The following KIF13A variants were observed in gnomAD, a reference collection of about 807,000 sequenced individuals.
The protein encoded by KIF13A is kinesin family member 13A, also known as kinesin-like protein KIF13A.
Under a neutral mutation model 212.2 loss-of-function variants are expected in KIF13A, and 79 were observed. The observed-to-expected ratio is 0.37, with a 90% CI of 0.31 to 0.45. The LOEUF (loss-of-function observed/expected upper bound fraction) is 0.45. Among genes scored for constraint, KIF13A ranks in the 20% least tolerant of loss-of-function variants. The pLI, the probability that KIF13A is intolerant of heterozygous loss-of-function variation, is 1.00. For synonymous variants in KIF13A, 789 were observed against 808.6 expected, an observed-to-expected ratio of 0.98 and a Z score of 0.41; for missense variants, 1,901 against 2,209.0, an observed-to-expected ratio of 0.86 and a Z score of 2.79.
intron 2 of KIF13A, among the ~76,000 whole-genome samples, chr6:17,974,723 G>A (rs1780134030): frequency 6.6e-6 from 1 of 152,134 alleles, no homozygotes; most frequent in Admixed American, 6.6e-5. Context: ...CTCTGGGTCT[G>A]GGACCCAACC....
intron 31 of KIF13A, among the ~76,000 whole-genome samples, chr6:17,780,336 C>T (rs1233872673): frequency 6.6e-6 from 1 of 152,230 alleles, no homozygotes; most frequent in East Asian, 1.9e-4. Context: ...GTTTCACTGA[C>T]AGCACCTCTG....
downstream of KIF13A, chr6:17,760,676 C>A: frequency 3.3e-6 from 2 of 611,274 alleles, no homozygotes; most frequent in South Asian, 4.0e-5. Context: ...CAAAGTGCCG[C>A]TTCTCCCACT....
At chr6:17,864,869 T>C (rs756720441) in intron 4 of KIF13A, among the ~76,000 whole-genome samples, 1 of 152,120 alleles carries the variant, frequency 6.6e-6, no homozygotes, top group South Asian at 2.1e-4. Flanking sequence ...ACAGCAGCAA[T>C]AGGCTCAAAG....
chr6:17,929,316 T>C (rs1283699034), intron 2 of KIF13A, among the ~76,000 whole-genome samples: 2 of 152,014 alleles, frequency 1.3e-5, no homozygotes, highest in African/African-American at 4.8e-5. Flanking sequence ...CATAGCTCAT[T>C]GCAGCTTTGA....
Position 17,871,608 on chromosome 6 carries a change from C to A in KIF13A, c.220+1769G>T, listed in dbSNP as rs1001623693. Among the ~76,000 whole-genome samples, 2 of 152,054 alleles carry A rather than the reference C, an allele frequency of 1.3e-5. No individual in the cohort carries two copies. Among genetic ancestry groups the A allele is most frequent in the Admixed American group, 6.6e-5 (1 of 15,250 alleles). ...TCCTGAGTTATATGAGAGGAACCAACAACAGACACTGGGCTGAGGCACTGA... is the reference window on the plus strand; with the variant it reads ...TCCTGAGTTATATGAGAGGAACCAAAAACAGACACTGGGCTGAGGCACTGA... On this transcript the variant is annotated intron_variant, in intron 4 of 38. Coordinates refer to ENST00000259711, the MANE Select transcript of KIF13A (RefSeq NM_022113.6). The surrounding 1 kb of genome is among the most constrained non-coding windows in gnomAD (Gnocchi z 4.4).
intron 2 of KIF13A, among the ~76,000 whole-genome samples, chr6:17,970,635 G>C (rs1463633741): frequency 1.3e-5 from 2 of 151,842 alleles, no homozygotes; most frequent in Non-Finnish European, 1.5e-5. Context: ...TGCAATATTT[G>C]ACTTAAATAT....
At chr6:17,862,358 T>C (rs531062038) in intron 4 of KIF13A, among the ~76,000 whole-genome samples, 121 of 152,338 alleles carry the variant, frequency 7.9e-4, no homozygotes, top group African/African-American at 2.8e-3. Context: ...AAATCTAGAA[T>C]ATATTTTAGT....
chr6:17,851,871 C>T (rs918736600), intron 7 of KIF13A, 84 bp downstream of exon 7: 1 of 618,200 alleles, frequency 1.6e-6, no homozygotes, highest in Non-Finnish European at 2.6e-6. Context: ...TGCTATAAAG[C>T]ATCCACATAA....
chr6:17,924,126 A>G (rs899143319), intron 2 of KIF13A, among the ~76,000 whole-genome samples: 1 of 152,236 alleles, frequency 6.6e-6, no homozygotes, highest in East Asian at 1.9e-4. Flanking sequence ...TATCAGGATC[A>G]CTGAATAAAT....
chr6:17,808,125 G>A (rs1488883505), intron 18 of KIF13A, among the ~76,000 whole-genome samples: 2 of 152,282 alleles, frequency 1.3e-5, no homozygotes, highest in East Asian at 1.9e-4. Context: ...AGTGGCTCAC[G>A]CCTGTAATCC....
At position 17,895,009 on chromosome 6, in the gene KIF13A, T is replaced by C. The variant is rs1412750740; in HGVS notation, c.159+3159A>G. On this transcript the variant is annotated intron_variant, in intron 3 of 38. Transcript: ENST00000259711. The surrounding 1 kb of genome is among the most constrained non-coding windows in gnomAD (Gnocchi z 4.4). ...GACCAGCTAGGCATTTGGATCTTCC[T>C]AAGAAAGGATTAAAAACAGCTGGAT... Among the ~76,000 whole-genome samples, 1 of 152,202 alleles carries C rather than the reference T, an allele frequency of 6.6e-6. No individual in the cohort carries two copies. Among genetic ancestry groups the C allele is most frequent in the Non-Finnish European group, 1.5e-5 (1 of 68,026 alleles).
intron 2 of KIF13A, among the ~76,000 whole-genome samples, chr6:17,948,937 T>C (rs560757116): frequency 6.6e-6 from 1 of 150,788 alleles, no homozygotes; most frequent in East Asian, 2.0e-4. Context: ...CATAAGCCCT[T>C]TGAAAGCAAA....
In KIF13A at chr6:17,794,823, G is replaced by A; in HGVS notation, c.2943-119C>T. The A allele has an allele frequency of 9.5e-7, 1 of 1,050,530 alleles. No homozygotes were observed. Among genetic ancestry groups the A allele is most frequent in the Non-Finnish European group, 1.3e-6 (1 of 741,764 alleles). The allele number at this position is 1,050,530 out of a possible 1,614,324, so 65.1% of individuals were successfully genotyped here. A position where few individuals can be genotyped will look rare whatever the true frequency, so the allele number is the denominator to read the frequency against. The stretch of plus-strand genomic sequence containing the variant: ...TGCTAGGCACTGTGCCATTTATCTT[G>A]TATAAGTTACTTCCTTATTTAACTC... On this transcript the variant is annotated intron_variant, in intron 23 of 38. Transcript: ENST00000259711. This position sits in a 1 kb window ranked among gnomAD's most constrained non-coding sequence, Gnocchi z 4.1.
intron 2 of KIF13A, among the ~76,000 whole-genome samples, chr6:17,955,750 C>T (rs895984224): frequency 1.3e-5 from 2 of 152,190 alleles, no homozygotes; most frequent in African/African-American, 4.8e-5. Flanking sequence ...TTTTCTGTGA[C>T]TCCTTTCAGA....
intron 2 of KIF13A, among the ~76,000 whole-genome samples, chr6:17,933,613 GA>G (rs1776197397): frequency 6.6e-6 from 1 of 151,990 alleles, no homozygotes; most frequent in Non-Finnish European, 1.5e-5. Context: ...AAATCAGAAT[GA>G]TCAAACCAAC....
At chr6:17,974,529 A>G (rs1027680991) in intron 2 of KIF13A, among the ~76,000 whole-genome samples, 33 of 152,200 alleles carry the variant, frequency 2.2e-4, no homozygotes, top group African/African-American at 7.5e-4. Flanking sequence ...AAGACACGTC[A>G]TATGTACTTT....
rs1760074234 is a variant in KIF13A at position 17,777,270 on chromosome 6, C to T, written c.4170+7G>A. 2 of 1,607,476 alleles carry T rather than the reference C, an allele frequency of 1.2e-6. No individual in the cohort carries two copies. Among genetic ancestry groups the T allele is most frequent in the Non-Finnish European group, 8.5e-7 (1 of 1,175,894 alleles). ...ATAGGAGCAGATCCTTGGCAGGATG[C>T]ACTTACATTATGAACATTTGGTGTA... On this transcript the variant is annotated splice_region_variant and intron_variant, in intron 34 of 38. Transcript: ENST00000259711. This position sits in a 1 kb window ranked among gnomAD's most constrained non-coding sequence, Gnocchi z 4.4.
intron 18 of KIF13A, among the ~76,000 whole-genome samples, chr6:17,808,308 C>T (rs1322335980): frequency 6.6e-6 from 1 of 152,154 alleles, no homozygotes; most frequent in African/African-American, 2.4e-5. Flanking sequence ...ATTGCTTGAA[C>T]CCAGGAGGCG....
At chr6:17,870,971 T>C (rs925197896) in intron 4 of KIF13A, among the ~76,000 whole-genome samples, 1 of 152,190 alleles carries the variant, frequency 6.6e-6, no homozygotes. Context: ...AGAAAACAAA[T>C]TGTAGCTCAG....
Sources: gnomAD v4.1 joint callset for allele counts (sites outside exome capture counted in the v4.1 genomes callset) on GRCh38, gnomAD v4.1.1 for gene constraint, Gnocchi (gnomAD v3.1) non-coding constraint, MANE v1.5 for transcripts, NCBI Gene and HGNC (gene_info 2026-07-23, HGNC 2026-07-21) for gene names.